The following RP1 variants were observed in gnomAD, a reference collection of about 807,000 sequenced individuals.
The protein encoded by RP1 is RP1 axonemal microtubule associated.
A neutral mutation model predicts 14.8 loss-of-function variants in RP1; 16 were observed. That is an observed-to-expected ratio of 1.08 (90% CI 0.73 to 1.65). The LOEUF (loss-of-function observed/expected upper bound fraction) is 1.65. RP1 is among the 40% of genes most tolerant of loss of function. RP1 has a pLI of 0.00. For synonymous variants in RP1, 876 were observed against 883.6 expected, an observed-to-expected ratio of 0.99 and a Z score of 0.15; for missense variants, 2,631 against 2,535.0, an observed-to-expected ratio of 1.04 and a Z score of -0.81.
At chr8:54,618,060 C>T (rs1354744353) in intron 1 of RP1, among the ~76,000 whole-genome samples, 1 of 152,208 alleles carries the variant, frequency 6.6e-6, no homozygotes, top group Non-Finnish European at 1.5e-5. Context: ...CAGAGATTCT[C>T]TCACACATAT....
At chr8:54,704,163 G>C (rs1236879288) in intron 14 of RP1, among the ~76,000 whole-genome samples, 2 of 152,190 alleles carry the variant, frequency 1.3e-5, no homozygotes, top group African/African-American at 2.4e-5. Context: ...CCTAGCTTTA[G>C]ATCTGCCTCA....
chr8:54,804,905 AC>A lies in RP1; in HGVS notation c.3615+21198del, dbSNP rs201146679. Among the ~76,000 whole-genome samples the A allele has an allele frequency of 1.5e-4, 23 of 152,352 alleles. No individual in the cohort carries two copies. The East Asian group carries it at 1.7e-3, about 11-fold the overall frequency. On this transcript the variant is annotated intron_variant, in intron 24 of 28. Transcript: ENST00000637698. ...TAGCTCTTTTGTTTGTATGCATTATACCCTAATAATGGAGACTATTTCCTCT... is the reference window on the plus strand; with the variant it reads ...TAGCTCTTTTGTTTGTATGCATTATACCTAATAATGGAGACTATTTCCTCT...
At chr8:54,766,078 A>G (rs1337760713) in intron 22 of RP1, among the ~76,000 whole-genome samples, 3 of 152,124 alleles carry the variant, frequency 2.0e-5, no homozygotes, top group Non-Finnish European at 4.4e-5. Flanking sequence ...AGCTGGAAGA[A>G]ACCTTAGAGG....
chr8:54,570,900 G>C (rs1057373277), intron 1 of RP1, among the ~76,000 whole-genome samples: 1 of 152,204 alleles, frequency 6.6e-6, no homozygotes, highest in Non-Finnish European at 1.5e-5. Context: ...CCGTGAGTCT[G>C]GAAGTGTAGG....
intron 12 of RP1, among the ~76,000 whole-genome samples, chr8:54,685,618 A>G (rs1382917575): frequency 6.6e-6 from 1 of 152,180 alleles, no homozygotes. Context: ...CCAGAGAATG[A>G]ATTTGAACAC....
chr8:54,694,360 T>C (rs1807801779), intron 12 of RP1, among the ~76,000 whole-genome samples: 1 of 152,200 alleles, frequency 6.6e-6, no homozygotes, highest in African/African-American at 2.4e-5. Flanking sequence ...GATTCCCTCT[T>C]TTTCTATTGA....
At chr8:54,568,725 G>A (rs1375060977) in intron 1 of RP1, among the ~76,000 whole-genome samples, 1 of 152,236 alleles carries the variant, frequency 6.6e-6, no homozygotes, top group African/African-American at 2.4e-5. Context: ...ATTGTAAGGT[G>A]AAAATGAAGT....
chr8:54,818,809 G>T (rs1440138984), intron 24 of RP1, among the ~76,000 whole-genome samples: 1 of 152,124 alleles, frequency 6.6e-6, no homozygotes, highest in African/African-American at 2.4e-5. Context: ...TCAGAACAAG[G>T]CAAATACTGC....
At chr8:54,673,865 C>T (rs112658649) in exon 8 of RP1, 1 of 1,535,586 alleles carries the variant, frequency 6.5e-7, no homozygotes, top group Admixed American at 2.0e-5. Context: ...CACCTTTTTC[C>T]TGGAGGCTGT....
chr8:54,720,143 T>A, exon 16 of RP1: 1 of 1,534,578 alleles, frequency 6.5e-7, no homozygotes, highest in Non-Finnish European at 8.7e-7. Flanking sequence ...CAGGAGATGT[T>A]GACTGTCATT....
At chr8:54,764,210 A>C (rs1386398689) in intron 22 of RP1, among the ~76,000 whole-genome samples, 1 of 152,156 alleles carries the variant, frequency 6.6e-6, no homozygotes, top group Admixed American at 6.5e-5. Context: ...CATCCTTGAG[A>C]TCACACTCTG....
At chr8:54,751,550 G>A (rs565440589) in intron 19 of RP1, among the ~76,000 whole-genome samples, 40 of 152,276 alleles carry the variant, frequency 2.6e-4, no homozygotes, top group African/African-American at 9.4e-4. Context: ...CTTAATGTAT[G>A]CATAGCTCAC....
intron 3 of RP1, among the ~76,000 whole-genome samples, chr8:54,638,954 T>C (rs1806406501): frequency 6.6e-6 from 1 of 151,932 alleles, no homozygotes; most frequent in Non-Finnish European, 1.5e-5. Context: ...TTTGATAAAA[T>C]CTCCCCAATT....
Position 54,724,907 on chromosome 8 carries a change from G to C in RP1, c.2390-1438G>C, listed in dbSNP as rs1468477909. ...GTAAAATGCTCATTCTTGTTTCACA[G>C]TTCTGCATAGACTGGCCCTGTTGTG... On this transcript the variant is annotated intron_variant, in intron 16 of 22. Transcript: ENST00000636932. 2.6e-5 allele frequency among the ~76,000 whole-genome samples: 4 copies of C among 152,194 alleles called. No homozygotes were observed. The East Asian group carries it at 7.7e-4, about 29-fold the overall frequency.
At chr8:54,667,859 CAA>C (rs34716885) in intron 7 of RP1, among the ~76,000 whole-genome samples, 2 of 151,664 alleles carry the variant, frequency 1.3e-5, no homozygotes, top group African/African-American at 4.8e-5. Flanking sequence ...GCCTACCAAA[CAA>C]AAAAAGGCCA....
At chr8:54,590,756 G>C (rs1368090296) in intron 1 of RP1, among the ~76,000 whole-genome samples, 3 of 152,154 alleles carry the variant, frequency 2.0e-5, no homozygotes, top group Admixed American at 1.3e-4. Flanking sequence ...TTTACATACA[G>C]CTCCAGATGT....
In RP1 at chr8:54,738,571, TG is replaced by T. The variant is rs1234064262; in HGVS notation, c.2722-371del. On this transcript the variant is annotated intron_variant, in intron 18 of 22. Transcript: ENST00000636932. ...TATTTAGCTTTTCTTTGGCGAAAATTGTTTTTTTTTTTAATTTCTTAAAATA... is the reference window on the plus strand; with the variant it reads ...TATTTAGCTTTTCTTTGGCGAAAATTTTTTTTTTTTTAATTTCTTAAAATA... 2.6e-5 allele frequency among the ~76,000 whole-genome samples: 4 copies of T among 152,194 alleles called. No individual in the cohort carries two copies. The South Asian group carries it at 8.3e-4, about 32-fold the overall frequency.
At chr8:54,633,737 C>CTCTA (rs1236298691), downstream of RP1, among the ~76,000 whole-genome samples, 1,067 of 118,756 alleles carry the variant, frequency 9.0e-3, 12 homozygotes, top group African/African-American at 0.024. Context: ...CTCTCTCTCT[C>CTCTA]TATATATATA....
intron 1 of RP1, chr8:54,560,664 C>G (rs969829345): frequency 6.6e-6 from 1 of 152,086 alleles, no homozygotes; most frequent in African/African-American, 2.4e-5. Context: ...CGTGCACCTT[C>G]TCTCACCTAA....
Sources: allele counts gnomAD v4.1 joint callset (sites outside exome capture counted in the v4.1 genomes callset), GRCh38; gene constraint gnomAD v4.1.1; transcripts MANE v1.5; gene names NCBI Gene and HGNC (gene_info 2026-07-23, HGNC 2026-07-21).